The following TGFA variants were observed in gnomAD, a reference collection of about 807,000 sequenced individuals.
TGFA encodes transforming growth factor alpha, also known as protransforming growth factor alpha.
TGFA carries 12 observed loss-of-function variants against 21.7 expected under a neutral mutation model. The ratio of observed to expected loss-of-function variants is 0.55; its 90% CI spans 0.35 to 0.90. The LOEUF (loss-of-function observed/expected upper bound fraction) is 0.90. Ranked by LOEUF, TGFA falls within the 40% of genes least tolerant of loss-of-function variation. The pLI is 0.01. For missense variants in TGFA, 178 were observed against 210.8 expected, an observed-to-expected ratio of 0.84 and a Z score of 0.96; for synonymous variants, 79 against 88.1, an observed-to-expected ratio of 0.90 and a Z score of 0.58.
intron 2 of TGFA, among the ~76,000 whole-genome samples, chr2:70,503,588 A>T (rs1238943841): frequency 6.6e-6 from 1 of 151,772 alleles, no homozygotes; most frequent in African/African-American, 2.4e-5. Flanking sequence ...ATAATAAAAA[A>T]AAAAAAAGAA....
At chr2:70,465,758 G>A (rs1324041139) in intron 2 of TGFA, 22 bp from the exon 3 acceptor site, 3 of 1,612,924 alleles carry the variant, frequency 1.9e-6, no homozygotes, top group Non-Finnish European at 2.5e-6. Flanking sequence ...AAAGATGCAG[G>A]GCTCAGATCC....
chr2:70,452,802 C>T (rs1286733191), intron 5 of TGFA, among the ~76,000 whole-genome samples: 2 of 152,006 alleles, frequency 1.3e-5, no homozygotes, highest in East Asian at 3.9e-4. Flanking sequence ...ATTTTCTGGG[C>T]GTGGTGGTGG....
At position 70,455,582 on chromosome 2, in the gene TGFA, G is replaced by A. The variant is rs114920007; in HGVS notation, c.365+757C>T. On this transcript the variant is annotated intron_variant, in intron 4 of 5. Transcript: ENST00000295400. ...GTAATTGTGGTTTTGGCCTTAAAAA[G>A]TAATGGTGAAAACTGCAATTACTTT... Among the ~76,000 whole-genome samples the A allele has an allele frequency of 2.1e-4, 32 of 152,276 alleles. No homozygotes were observed. The East Asian group carries it at 2.9e-3, about 14-fold the overall frequency.
intron 2 of TGFA, among the ~76,000 whole-genome samples, chr2:70,490,065 G>A (rs951469915): frequency 6.6e-6 from 1 of 152,192 alleles, no homozygotes; most frequent in Non-Finnish European, 1.5e-5. Flanking sequence ...CTCTTCAGGT[G>A]ATTGTAACAT....
intron 1 of TGFA, among the ~76,000 whole-genome samples, chr2:70,540,953 G>C (rs539573203): frequency 6.6e-6 from 1 of 152,112 alleles, no homozygotes; most frequent in Non-Finnish European, 1.5e-5. Flanking sequence ...ATACCATTTT[G>C]CCAACAGAAT....
chr2:70,455,391 T>C (rs1670198647), intron 4 of TGFA, among the ~76,000 whole-genome samples: 1 of 152,198 alleles, frequency 6.6e-6, no homozygotes, highest in Non-Finnish European at 1.5e-5. Flanking sequence ...GGTGTAAGTC[T>C]GGCTTCTTGC....
At position 70,467,947 on chromosome 2, in the gene TGFA, C is replaced by T. The variant is rs573254725; in HGVS notation, c.95-2211G>A. On this transcript the variant is annotated intron_variant, in intron 2 of 5. Transcript: ENST00000295400. The stretch of plus-strand genomic sequence containing the variant: ...GGCACGGGTTTGAATCCTGCCTCTG[C>T]CACCTGAAGCAGCTGGCCTCTCCTA... Among the ~76,000 whole-genome samples, 42 of 152,296 alleles carry T rather than the reference C, an allele frequency of 2.8e-4. No homozygotes were observed. In the East Asian group the frequency reaches 7.9e-3, roughly 29 times the overall value.
intron 1 of TGFA, among the ~76,000 whole-genome samples, chr2:70,515,474 T>A (rs1264170405): frequency 6.6e-6 from 1 of 152,100 alleles, no homozygotes; most frequent in African/African-American, 2.4e-5. Flanking sequence ...TCCTTCCAGC[T>A]GGCAGCCGGG....
chr2:70,526,129 G>C (rs1672626913), intron 1 of TGFA, among the ~76,000 whole-genome samples: 1 of 152,206 alleles, frequency 6.6e-6, no homozygotes, highest in East Asian at 1.9e-4. Context: ...GGACCATGGT[G>C]ATCCAACCTG....
At chr2:70,548,839 G>A (rs572334906) in intron 1 of TGFA, among the ~76,000 whole-genome samples, 2 of 152,100 alleles carry the variant, frequency 1.3e-5, no homozygotes, top group South Asian at 4.1e-4. Flanking sequence ...TATTCTAAAG[G>A]GAATGTGCCT....
At chr2:70,533,700 C>G (rs1672887460) in intron 1 of TGFA, among the ~76,000 whole-genome samples, 1 of 152,054 alleles carries the variant, frequency 6.6e-6, no homozygotes. Flanking sequence ...ACACAGTTAA[C>G]AAGTAGTCAA....
intron 1 of TGFA, among the ~76,000 whole-genome samples, chr2:70,518,530 C>A (rs994134620): frequency 6.6e-6 from 1 of 152,154 alleles, no homozygotes; most frequent in Non-Finnish European, 1.5e-5. Flanking sequence ...AGAAGTGGAG[C>A]CATCCCAAAA....
At chr2:70,457,584 C>T (rs1278141394) in intron 3 of TGFA, among the ~76,000 whole-genome samples, 1 of 151,558 alleles carries the variant, frequency 6.6e-6, no homozygotes, top group Non-Finnish European at 1.5e-5. Context: ...CTCTTGTGCC[C>T]AGCCTGGAGT....
At chr2:70,522,147 C>G (rs2103877847) in intron 1 of TGFA, among the ~76,000 whole-genome samples, 1 of 152,330 alleles carries the variant, frequency 6.6e-6, no homozygotes, top group South Asian at 2.1e-4. Flanking sequence ...TATCCTTACA[C>G]CTGGCCTAAC....
At chr2:70,541,212 T>C (rs1553505152) in intron 1 of TGFA, among the ~76,000 whole-genome samples, 1 of 152,238 alleles carries the variant, frequency 6.6e-6, no homozygotes. Context: ...TATATCTCCA[T>C]CAATAGCGAT....
chr2:70,553,399 AG>A, intron 1 of TGFA: 3 of 1,449,164 alleles, frequency 2.1e-6, no homozygotes, highest in Non-Finnish European at 2.7e-6. Flanking sequence ...CCAGGTAAGC[AG>A]GTAGGTGTAG....
intron 1 of TGFA, among the ~76,000 whole-genome samples, chr2:70,537,764 A>T (rs955391614): frequency 2.6e-5 from 4 of 152,258 alleles, no homozygotes; most frequent in East Asian, 3.8e-4. Flanking sequence ...CCATAACATG[A>T]CAGTGCACAG....
rs367918074 is a variant in TGFA, at chr2:70,452,553, T to C, written c.475+665A>G. On this transcript the variant is annotated intron_variant, in intron 5 of 5. Coordinates refer to ENST00000295400, the MANE Select transcript of TGFA (RefSeq NM_003236.4). ...AGTGACTTTCTCAAGGGAAAGAGAA[T>C]GAACATCTCTTGAGTGCCTACAATT... Among the ~76,000 whole-genome samples the C allele has an allele frequency of 5.9e-5, 9 of 152,322 alleles. No homozygotes were observed. The East Asian group carries it at 7.7e-4, about 13-fold the overall frequency.
rs782435488 is a variant in TGFA, at chr2:70,514,931, G to A, written c.41-19C>T. 3.1e-6 allele frequency: 5 copies of A among 1,612,980 alleles called. No individual in the cohort carries two copies. Among genetic ancestry groups the A allele is most frequent in the Admixed American group, 1.7e-5 (1 of 59,906 alleles). ...ACAATACCTGTTGGGTGGAGGAGAA[G>A]AGGGAAAAGGTCAGAGTCTGCTTGG... On this transcript the variant is annotated intron_variant, in intron 1 of 5. Coordinates refer to ENST00000295400, the MANE Select transcript of TGFA (RefSeq NM_003236.4).
Sources: allele counts gnomAD v4.1 joint callset (sites outside exome capture counted in the v4.1 genomes callset), GRCh38; gene constraint gnomAD v4.1.1; transcripts MANE v1.5; gene names NCBI Gene and HGNC (gene_info 2026-07-23, HGNC 2026-07-21).